Variants in KLHL1 observed in about 807,000 individuals in gnomAD.
KLHL1 encodes kelch like family member 1, also known as kelch-like protein 1.
Under a neutral mutation model 77.7 loss-of-function variants are expected in KLHL1, and 47 were observed. That is an observed-to-expected ratio of 0.60 (90% CI 0.48 to 0.77). The LOEUF (loss-of-function observed/expected upper bound fraction) is 0.77, where lower values mean the gene tolerates loss of function less well. Ranked by LOEUF, KLHL1 falls within the 30% of genes least tolerant of loss-of-function variation. The pLI is 0.00. For missense variants in KLHL1, 925 were observed against 910.8 expected, an observed-to-expected ratio of 1.02 and a Z score of -0.20; for synonymous variants, 360 against 325.2, an observed-to-expected ratio of 1.11 and a Z score of -1.15.
rs1888115291 is a variant in KLHL1 at position 70,107,890 on chromosome 13, G to A, written c.-191C>T. ...GCTGGAGCGCAGACGGCAAAGCCGC[G>A]CGTTTCAGCCGTGGTCGGGTCCGCA... On this transcript the variant is annotated 5_prime_UTR_variant, in exon 1 of 11. Coordinates refer to ENST00000377844, the MANE Select transcript of KLHL1 (RefSeq NM_020866.3). 1.9e-6 allele frequency: 1 copy of A among 538,462 alleles called. No homozygotes were observed. The highest frequency in any genetic ancestry group is 3.0e-5 in the East Asian group (1 of 33,038). The allele number at this position is 538,462 out of a possible 1,614,324, so 33.4% of individuals were successfully genotyped here. A position where few individuals can be genotyped will look rare whatever the true frequency, so the allele number is the denominator to read the frequency against.
chr13:69,861,583 C>T (rs1319973331), intron 5 of KLHL1, among the ~76,000 whole-genome samples: 1 of 151,624 alleles, frequency 6.6e-6, no homozygotes, highest in Non-Finnish European at 1.5e-5. Flanking sequence ...CACATATATG[C>T]AATGTTTTAC....
At chr13:69,959,302 T>C (rs959210108) in intron 3 of KLHL1, among the ~76,000 whole-genome samples, 10 of 152,022 alleles carry the variant, frequency 6.6e-5, no homozygotes, top group African/African-American at 2.4e-4. Flanking sequence ...GTTAGGTTGT[T>C]AGATCTCTGT....
intron 4 of KLHL1, among the ~76,000 whole-genome samples, chr13:69,905,828 C>A (rs886298520): frequency 1.3e-5 from 2 of 151,972 alleles, no homozygotes; most frequent in Non-Finnish European, 2.9e-5. Context: ...CAGGATCACA[C>A]GACATACTCT....
intron 4 of KLHL1, among the ~76,000 whole-genome samples, chr13:69,896,668 A>C (rs1881652305): frequency 6.7e-6 from 1 of 148,654 alleles, no homozygotes; most frequent in Non-Finnish European, 1.5e-5. Context: ...CAAAGTATTA[A>C]AATTTTTTTT....
intron 4 of KLHL1, among the ~76,000 whole-genome samples, chr13:69,920,375 G>A (rs950817349): frequency 3.3e-5 from 5 of 152,080 alleles, no homozygotes; most frequent in African/African-American, 1.2e-4. Context: ...GTGGTTCACA[G>A]TGCTATTTTA....
intron 1 of KLHL1, among the ~76,000 whole-genome samples, chr13:70,052,999 A>G (rs1470348694): frequency 1.3e-5 from 2 of 152,076 alleles, no homozygotes; most frequent in Non-Finnish European, 2.9e-5. Flanking sequence ...CACAATTGCC[A>G]GACATCCAAA....
In KLHL1 at chr13:70,063,304, C is replaced by A. The variant is rs138768457; in HGVS notation, c.497+43899G>T. Among the ~76,000 whole-genome samples, 633 of 152,180 alleles carry A rather than the reference C, an allele frequency of 4.2e-3. 5 individuals carry two copies. Among genetic ancestry groups the A allele is most frequent in the African/African-American group, 0.015 (611 of 41,538 alleles). On this transcript the variant is annotated intron_variant, in intron 1 of 10. Transcript: ENST00000377844. ...TTTCAGGGAGCCCCTCCACAGACTG[C>A]ATGAATAACAAGTGCATAATTTTTA... is the stretch of plus-strand genomic sequence containing the variant.
At chr13:69,954,560 C>A (rs929652941) in intron 3 of KLHL1, among the ~76,000 whole-genome samples, 2 of 151,050 alleles carry the variant, frequency 1.3e-5, no homozygotes, top group East Asian at 3.9e-4. Flanking sequence ...ACTTCAAAAC[C>A]CAGAAAATAA....
chr13:69,722,121 G>T (rs140098097), intron 8 of KLHL1, among the ~76,000 whole-genome samples: 1 of 151,844 alleles, frequency 6.6e-6, no homozygotes, highest in Admixed American at 6.6e-5. Flanking sequence ...CACAGCTCTC[G>T]TACATAGTTT....
chr13:69,731,054 G>A (rs1873522949), intron 8 of KLHL1, among the ~76,000 whole-genome samples: 1 of 151,768 alleles, frequency 6.6e-6, no homozygotes, highest in Non-Finnish European at 1.5e-5. Context: ...ATTTTCAAGA[G>A]AAAATGTGAA....
intron 4 of KLHL1, among the ~76,000 whole-genome samples, chr13:69,922,624 A>T (rs1325740406): frequency 1.3e-5 from 2 of 152,214 alleles, no homozygotes; most frequent in Non-Finnish European, 2.9e-5. Context: ...AAAATGTATG[A>T]TTTAATTCAG....
At chr13:69,846,121 C>T (rs181307759) in intron 5 of KLHL1, among the ~76,000 whole-genome samples, 1 of 151,450 alleles carries the variant, frequency 6.6e-6, no homozygotes, top group Non-Finnish European at 1.5e-5. Flanking sequence ...CTGTTCTATG[C>T]TATCCAAACG....
rs1377588750 is a variant in KLHL1 at position 69,763,335 on chromosome 13, G to A, written c.1640-22779C>T. 2.0e-5 allele frequency among the ~76,000 whole-genome samples: 3 copies of A among 152,048 alleles called. No individual in the cohort carries two copies. The East Asian group carries it at 5.8e-4, about 29-fold the overall frequency. On this transcript the variant is annotated intron_variant, in intron 7 of 10. Transcript: ENST00000377844. Reference sequence around the variant, plus strand: ...GGTTAATAAACTAGCTCCTAGATCTGGCTCATTCTTTGATCTATTTTAATT... The same window carrying A: ...GGTTAATAAACTAGCTCCTAGATCTAGCTCATTCTTTGATCTATTTTAATT...
intron 1 of KLHL1, among the ~76,000 whole-genome samples, chr13:70,059,634 A>G (rs1886828928): frequency 6.6e-6 from 1 of 152,230 alleles, no homozygotes; most frequent in South Asian, 2.1e-4. Flanking sequence ...AATTATCCAT[A>G]TTAGTCCATT....
chr13:69,883,639 C>G (rs1050620754), intron 4 of KLHL1, among the ~76,000 whole-genome samples: 4 of 152,132 alleles, frequency 2.6e-5, no homozygotes, highest in African/African-American at 7.2e-5. Context: ...TAGATCCTGA[C>G]ACAAAGCCTG....
chr13:69,732,563 C>T (rs1873593000), intron 8 of KLHL1, among the ~76,000 whole-genome samples: 1 of 152,078 alleles, frequency 6.6e-6, no homozygotes, highest in Non-Finnish European at 1.5e-5. Context: ...TGCTTTGCCA[C>T]CTGGTTCCCT....
At position 70,036,550 on chromosome 13, in the gene KLHL1, T is replaced by C. The variant is rs147383274; in HGVS notation, c.498-60748A>G. 1.6e-3 allele frequency among the ~76,000 whole-genome samples: 241 copies of C among 152,122 alleles called. 1 individual carries two copies. The highest frequency in any genetic ancestry group is 2.6e-3 in the Non-Finnish European group (178 of 67,848). On this transcript the variant is annotated intron_variant, in intron 1 of 10. Transcript: ENST00000377844. ...ATGGGTGTATATATGAAATGTTTTA[T>C]TCAGTTTTGCTTATTGTAACACAAA...
chr13:69,956,021 T>G (rs1234765345), intron 3 of KLHL1, among the ~76,000 whole-genome samples: 1 of 101,450 alleles, frequency 9.9e-6, no homozygotes, highest in Non-Finnish European at 2.0e-5. Context: ...ATATTTGATA[T>G]ATATTTATAT....
rs898168542 is a variant in KLHL1 at position 69,928,459 on chromosome 13, G to C, written c.1014+11581C>G. 2.6e-5 allele frequency among the ~76,000 whole-genome samples: 4 copies of C among 152,102 alleles called. No individual in the cohort carries two copies. The East Asian group carries it at 7.7e-4, about 29-fold the overall frequency. ...GCATATTAACTTGCCATGGGCATTG[G>C]GCTACAAACCTATTAAAATTACAGC... On this transcript the variant is annotated intron_variant, in intron 4 of 10. Transcript: ENST00000377844.
Sources: allele counts gnomAD v4.1 joint callset (sites outside exome capture counted in the v4.1 genomes callset), GRCh38; gene constraint gnomAD v4.1.1; transcripts MANE v1.5; gene names NCBI Gene and HGNC (gene_info 2026-07-23, HGNC 2026-07-21).